The following UACA variants were observed in gnomAD, a reference collection of about 807,000 sequenced individuals.
UACA encodes the protein uveal autoantigen with coiled-coil domains and ankyrin repeats.
UACA carries 112 observed loss-of-function variants against 160.5 expected under a neutral mutation model. The observed-to-expected ratio is 0.70, with a 90% CI of 0.60 to 0.82. The LOEUF is 0.82. Ranked by LOEUF, UACA falls within the 40% of genes least tolerant of loss-of-function variation. The probability of loss-of-function intolerance (pLI) is 0.00; values close to 1 mark genes in which losing one functional copy is unlikely to be tolerated. For missense variants in UACA, 1,574 were observed against 1,614.6 expected (o/e 0.97, Z 0.43); for synonymous variants, 557 against 568.4 (o/e 0.98, Z 0.29).
intron 17 of UACA, among the ~76,000 whole-genome samples, chr15:70,662,021 CAGG>C (rs1396020152): frequency 2.0e-5 from 3 of 152,038 alleles, no homozygotes; most frequent in Non-Finnish European, 4.4e-5. Context: ...GGCAATCAGG[CAGG>C]AGAAGGAAAT....
At chr15:70,684,142 C>A (rs949354318) in intron 8 of UACA, 123 bp downstream of exon 8, 8 of 803,428 alleles carry the variant, frequency 1.0e-5, no homozygotes, top group African/African-American at 3.5e-5. Context: ...GGGAGATGAA[C>A]CAATACTGTT....
rs1896843059 is a variant in UACA at position 70,664,745 on chromosome 15, T to C, written c.4030A>G (p.Thr1344Ala). ...TGCCTCTTGGTGGGGTTCCCACTTG[T>C]GTAGGTGAGTTGGGAAAGGCCATTG... ...ALNGLSQLTY[T>A]SGNPTKRQSQ... Residue 1344 changes from threonine (T) to alanine (A), a missense_variant, in exon 17 of 19, where the codon ACA (threonine) becomes GCA (alanine). Transcript: ENST00000322954. The C allele has an allele frequency of 6.2e-7, 1 of 1,613,624 alleles. No individual in the cohort carries two copies. Among genetic ancestry groups the C allele is most frequent in the Non-Finnish European group, 8.5e-7 (1 of 1,179,850 alleles).
chr15:70,659,592 C>A (rs1043083760), intron 18 of UACA, among the ~76,000 whole-genome samples: 2 of 151,202 alleles, frequency 1.3e-5, no homozygotes, highest in African/African-American at 4.9e-5. Context: ...AGCATAGTAT[C>A]CTTTATATGT....
upstream of UACA, chr15:70,763,562 C>T: frequency 1.6e-6 from 2 of 1,235,126 alleles, no homozygotes; most frequent in South Asian, 3.9e-5. Flanking sequence ...CGTCGACAGG[C>T]CTGAGGCGGG....
rs1455194293 is a variant in UACA at position 70,763,332 on chromosome 15, C to A, written c.76G>T (p.Ala26Ser). ...GCAGCCCGGACCGCGGGACTCACCGCGCTGGCGGCGGCGGCGCCAGACGAC... is the reference window on the plus strand; with the variant it reads ...GCAGCCCGGACCGCGGGACTCACCGAGCTGGCGGCGGCGGCGCCAGACGAC... ...PASSGAAAAS[A>S]HAADWNKYDD... is the part of the protein sequence containing the mutation. The change falls in exon 1 of 19, where the codon GCG (alanine) becomes TCG (serine). Residue 26 changes from alanine (A) to serine (S), a missense_variant and splice_region_variant. By Grantham distance (99) the Ala-to-Ser change is moderately conservative. Coordinates refer to ENST00000322954, the MANE Select transcript of UACA (RefSeq NM_018003.4). 1 of 1,333,644 alleles carries A rather than the reference C, an allele frequency of 7.5e-7. No homozygotes were observed. Among genetic ancestry groups the A allele is most frequent in the Non-Finnish European group, 9.6e-7 (1 of 1,036,606 alleles). The allele number at this position is 1,333,644 out of a possible 1,614,324, so 82.6% of individuals were successfully genotyped here.
At chr15:70,694,921 T>C (rs567704418) in intron 3 of UACA, 96 bp downstream of exon 3, 2 of 1,001,958 alleles carry the variant, frequency 2.0e-6, no homozygotes. Context: ...AGGACATCTC[T>C]CTTTATATCA....
chr15:70,688,567 A>G (rs1489741946), intron 5 of UACA, among the ~76,000 whole-genome samples: 1 of 152,180 alleles, frequency 6.6e-6, no homozygotes, highest in Admixed American at 6.6e-5. Flanking sequence ...AATCCAGCAA[A>G]TCTTTTATAT....
At chr15:70,663,879 G>A in intron 17 of UACA, among the ~76,000 whole-genome samples, 1 of 105,840 alleles carries the variant, frequency 9.4e-6, no homozygotes, top group Admixed American at 1.3e-4. Flanking sequence ...TGGGGTGGGG[G>A]GAGGGGGGAG....
At chr15:70,740,630 C>G (rs1275337800) in intron 1 of UACA, among the ~76,000 whole-genome samples, 2 of 88,766 alleles carry the variant, frequency 2.3e-5, no homozygotes, top group Non-Finnish European at 4.6e-5. Context: ...AAAGCAAGAC[C>G]CTGTCTCAAA....
chr15:70,723,389 T>TA (rs1390927439), intron 1 of UACA, among the ~76,000 whole-genome samples: 1 of 152,170 alleles, frequency 6.6e-6, no homozygotes, highest in Non-Finnish European at 1.5e-5. Context: ...GGGATACTCT[T>TA]ATAATAGACT....
chr15:70,764,455 G>A (rs959560194), upstream of UACA, among the ~76,000 whole-genome samples: 3 of 152,172 alleles, frequency 2.0e-5, no homozygotes, highest in African/African-American at 7.2e-5. Flanking sequence ...TTGCTGTTCG[G>A]GTGACATCTT....
upstream of UACA, among the ~76,000 whole-genome samples, chr15:70,767,020 CACGGG>C (rs2031024288): frequency 6.6e-6 from 1 of 151,756 alleles, no homozygotes; most frequent in East Asian, 1.9e-4. Flanking sequence ...GCGGGTGGAT[CACGGG>C]GTCAGGAGAT....
intron 1 of UACA, among the ~76,000 whole-genome samples, chr15:70,700,794 T>C (rs1397075064): frequency 6.6e-6 from 1 of 152,068 alleles, no homozygotes; most frequent in Non-Finnish European, 1.5e-5. Context: ...AATTCTGTGC[T>C]AAATCCAGTA....
In UACA at chr15:70,690,494, C is replaced by T. The variant is rs765177088; in HGVS notation, c.384G>A (p.Glu128=). ...CAGTTCTTCCCTGCAGGTCTGCATG[C>T]TCAGTGGGACAATTGTACTGTTAAA... ...QKLLQYNCPT[E]HADLQGRTAL... Residue 128 remains glutamate (E), a synonymous_variant, in exon 5 of 19, where the codon GAG becomes GAA. Transcript: ENST00000322954. The T allele has an allele frequency of 6.2e-7, 1 of 1,612,928 alleles. No homozygotes were observed. Among genetic ancestry groups the T allele is most frequent in the Non-Finnish European group, 8.5e-7 (1 of 1,179,444 alleles).
At position 70,690,340 on chromosome 15, in the gene UACA, T is replaced by C. The variant is rs1030694975; in HGVS notation, c.424+114A>G. ...CTAATTTGTGCAAACAGGTTTTTAA[T>C]ATTCTTTGTTTCTCCATGAATTATA... On this transcript the variant is annotated intron_variant, in intron 5 of 18. Transcript: ENST00000322954. The C allele has an allele frequency of 3.7e-5, 36 of 965,144 alleles. No individual in the cohort carries two copies. The African/African-American group carries it at 5.2e-4, about 14-fold the overall frequency. 59.8% of individuals were successfully genotyped at this position (965,144 alleles called of 1,614,324 possible).
At chr15:70,661,357 C>T (rs1378597722) in intron 17 of UACA, 1 of 152,176 alleles carries the variant, frequency 6.6e-6, no homozygotes, top group Non-Finnish European at 1.5e-5. Flanking sequence ...CTACCCAGAA[C>T]TCCTTGGGGA....
At chr15:70,689,425 AG>A (rs1362298009) in intron 5 of UACA, among the ~76,000 whole-genome samples, 5 of 152,188 alleles carry the variant, frequency 3.3e-5, no homozygotes. Context: ...GTTAACTTAC[AG>A]GGGTCATTGT....
intron 1 of UACA, among the ~76,000 whole-genome samples, chr15:70,712,121 T>C (rs924575771): frequency 6.6e-6 from 1 of 151,028 alleles, no homozygotes; most frequent in African/African-American, 2.5e-5. Flanking sequence ...TACCTACATG[T>C]CCCAAACCAA....
At chr15:70,764,075 G>A (rs2030939644), upstream of UACA, among the ~76,000 whole-genome samples, 1 of 152,166 alleles carries the variant, frequency 6.6e-6, no homozygotes, top group South Asian at 2.1e-4. Flanking sequence ...TAAGAAATAA[G>A]GTGCTGATTG....
Sources: allele counts gnomAD v4.1 joint callset (sites outside exome capture counted in the v4.1 genomes callset), GRCh38; gene constraint gnomAD v4.1.1; transcripts MANE v1.5; gene names NCBI Gene and HGNC (gene_info 2026-07-23, HGNC 2026-07-21).